FARP2: variants seen among roughly 807,000 people sequenced by gnomAD.
The protein encoded by FARP2 is FERM, ARHGEF and pleckstrin domain-containing protein 2.
In FARP2, 111 loss-of-function variants were observed where a neutral mutation model predicts 130.5. The observed-to-expected ratio is 0.85, with a 90% confidence interval of 0.73 to 1.00. The LOEUF (loss-of-function observed/expected upper bound fraction) is 1.00. FARP2 is among the 50% of genes least tolerant of loss of function. The probability of loss-of-function intolerance (pLI) is 0.00; values close to 1 mark genes in which losing one functional copy is unlikely to be tolerated. For synonymous variants in FARP2, 504 were observed against 516.9 expected, an observed-to-expected ratio of 0.98 and a Z score of 0.34; for missense variants, 1,385 against 1,346.3, an observed-to-expected ratio of 1.03 and a Z score of -0.45.
intron 11 of FARP2, among the ~76,000 whole-genome samples, chr2:241,435,516 T>C (rs917113548): frequency 1.3e-5 from 2 of 150,096 alleles, no homozygotes; most frequent in Non-Finnish European, 3.0e-5. Flanking sequence ...TGTAATTTTT[T>C]TTTTTTTTTT....
chr2:241,371,275 G>C (rs2061419242), intron 1 of FARP2, among the ~76,000 whole-genome samples: 1 of 152,210 alleles, frequency 6.6e-6, no homozygotes, highest in South Asian at 2.1e-4. Flanking sequence ...TTGAGGCCAG[G>C]AGTTGAAAAC....
At chr2:241,451,975 A>G (rs1192705148) in intron 13 of FARP2, among the ~76,000 whole-genome samples, 1 of 152,178 alleles carries the variant, frequency 6.6e-6, no homozygotes, top group African/African-American at 2.4e-5. Flanking sequence ...GGCTTCTCTC[A>G]AACTCCTGAC....
intron 19 of FARP2, chr2:241,478,526 G>T: frequency 2.5e-6 from 1 of 399,826 alleles, no homozygotes; most frequent in Non-Finnish European, 5.2e-6. Flanking sequence ...CTTGTATCAG[G>T]CTAACCCCGA....
At chr2:241,375,300 C>T (rs903168557) in intron 2 of FARP2, among the ~76,000 whole-genome samples, 1 of 152,088 alleles carries the variant, frequency 6.6e-6, no homozygotes, top group African/African-American at 2.4e-5. Flanking sequence ...ATGTAGTCAT[C>T]CTCCAATAAA....
At chr2:241,465,991 A>G in intron 17 of FARP2, 1 of 1,383,314 alleles carries the variant, frequency 7.2e-7, no homozygotes, top group African/African-American at 1.4e-5. Context: ...CAGTTGCACT[A>G]ATTTAAAATT....
At chr2:241,423,084 T>C (rs2062850772) in intron 8 of FARP2, among the ~76,000 whole-genome samples, 1 of 152,148 alleles carries the variant, frequency 6.6e-6, no homozygotes, top group Non-Finnish European at 1.5e-5. Flanking sequence ...CGAGACAGGC[T>C]AATATTCAAA....
chr2:241,442,576 G>A (rs1180032795), intron 13 of FARP2: 1 of 416,068 alleles, frequency 2.4e-6, no homozygotes, highest in Admixed American at 2.7e-5. Context: ...CACCCACGCT[G>A]TGTGGTTTAG....
At chr2:241,486,581 G>A (rs1411897021) in intron 21 of FARP2, among the ~76,000 whole-genome samples, 3 of 151,088 alleles carry the variant, frequency 2.0e-5, no homozygotes, top group East Asian at 1.9e-4. Context: ...CATCACCCAC[G>A]GGCTGTTTTG....
intron 21 of FARP2, among the ~76,000 whole-genome samples, chr2:241,487,651 A>ATCAC (rs1553737837): frequency 1.5e-5 from 2 of 137,434 alleles, no homozygotes; most frequent in African/African-American, 5.6e-5. Context: ...TGGGTGACAG[A>ATCAC]ACAAGACTCC....
At chr2:241,356,563 G>C (rs1351226679) in intron 1 of FARP2, among the ~76,000 whole-genome samples, 175 bp downstream of exon 1, 1 of 152,230 alleles carries the variant, frequency 6.6e-6, no homozygotes, top group Non-Finnish European at 1.5e-5. Flanking sequence ...GGAGCTCCTA[G>C]GCGGGTCCGG....
chr2:241,405,863 G>T (rs892224261), intron 4 of FARP2, among the ~76,000 whole-genome samples: 2 of 152,186 alleles, frequency 1.3e-5, no homozygotes, highest in Non-Finnish European at 2.9e-5. Context: ...GAGCCTGGAA[G>T]GCGGAGGTTG....
intron 13 of FARP2, chr2:241,446,537 A>C (rs2063518994): frequency 1.3e-5 from 2 of 152,184 alleles, no homozygotes; most frequent in East Asian, 3.8e-4. Flanking sequence ...GGTTGTGATC[A>C]CATGGTGACA....
At chr2:241,473,057 G>A (rs557154661) in intron 18 of FARP2, among the ~76,000 whole-genome samples, 1 of 150,658 alleles carries the variant, frequency 6.6e-6, no homozygotes, top group South Asian at 2.1e-4. Flanking sequence ...AGGGGACCCT[G>A]TTGTGAGGGC....
At chr2:241,425,581 C>T (rs1287766956) in intron 8 of FARP2, among the ~76,000 whole-genome samples, 1 of 147,726 alleles carries the variant, frequency 6.8e-6, no homozygotes, top group Non-Finnish European at 1.5e-5. Context: ...AAATTGAATC[C>T]CTGAATAGAC....
At position 241,482,735 on chromosome 2, in the gene FARP2, G is replaced by A. The variant is rs1049607576; in HGVS notation, c.2263-730G>A. Among the ~76,000 whole-genome samples, 1 of 152,062 alleles carries A rather than the reference G, an allele frequency of 6.6e-6. No homozygotes were observed. Among genetic ancestry groups the A allele is most frequent in the Non-Finnish European group, 1.5e-5 (1 of 68,012 alleles). ...CTAGGAGGCCCCTAGCACATTCTCC[G>A]GACACCTGCTGCTCCTCCTGTTTGT... is the stretch of plus-strand genomic sequence containing the variant. On this transcript the variant is annotated intron_variant, in intron 19 of 26. Transcript: ENST00000264042. This position sits in a 1 kb window ranked among gnomAD's most constrained non-coding sequence, Gnocchi z 4.6.
chr2:241,382,497 A>G (rs1281279121), intron 2 of FARP2, among the ~76,000 whole-genome samples: 1 of 152,044 alleles, frequency 6.6e-6, no homozygotes, highest in East Asian at 1.9e-4. Flanking sequence ...TGCCTAGGCT[A>G]GTCTTGAACT....
At chr2:241,393,774 G>A (rs1249309071) in intron 2 of FARP2, among the ~76,000 whole-genome samples, 2 of 152,142 alleles carry the variant, frequency 1.3e-5, no homozygotes, top group African/African-American at 4.8e-5. Flanking sequence ...TTTTCATCTA[G>A]ACACAACCTT....
intron 2 of FARP2, among the ~76,000 whole-genome samples, chr2:241,385,526 A>C (rs1353423865): frequency 6.6e-6 from 1 of 152,094 alleles, no homozygotes; most frequent in Non-Finnish European, 1.5e-5. Context: ...GCTCGAGACA[A>C]TTCTGGGCAA....
intron 17 of FARP2, chr2:241,465,405 G>C: frequency 7.1e-7 from 1 of 1,406,328 alleles, no homozygotes; most frequent in Non-Finnish European, 9.8e-7. Flanking sequence ...GGGGAGGGCA[G>C]GGCCCTGGGA....
Sources: gnomAD v4.1 joint callset for allele counts (sites outside exome capture counted in the v4.1 genomes callset) on GRCh38, gnomAD v4.1.1 for gene constraint, Gnocchi (gnomAD v3.1) non-coding constraint, MANE v1.5 for transcripts, NCBI Gene and HGNC (gene_info 2026-07-23, HGNC 2026-07-21) for gene names.